The following ANO10 variants were observed in gnomAD, a reference collection of about 807,000 sequenced individuals.
The protein encoded by ANO10 is anoctamin 10, also known as anoctamin-10.
In ANO10, 77 loss-of-function variants were observed where a neutral mutation model predicts 74.7. The observed-to-expected ratio is 1.03, with a 90% CI of 0.86 to 1.25. ANO10 has a LOEUF of 1.25. Ranked by LOEUF, ANO10 falls within the 50% of genes most tolerant of loss-of-function variation. The probability of loss-of-function intolerance (pLI) is 0.00; values close to 1 mark genes in which losing one functional copy is unlikely to be tolerated. For missense variants in ANO10, 721 were observed against 778.1 expected (o/e 0.93, Z 0.87); for synonymous variants, 279 against 284.9 (o/e 0.98, Z 0.21).
chr3:43,538,453 A>G (rs955856756), intron 11 of ANO10, among the ~76,000 whole-genome samples: 4 of 152,240 alleles, frequency 2.6e-5, no homozygotes, highest in African/African-American at 4.8e-5. Context: ...AAAAATTTTT[A>G]AAACGGAAAT....
chr3:43,593,502 A>C (rs1301108114), intron 4 of ANO10, among the ~76,000 whole-genome samples: 7 of 152,166 alleles, frequency 4.6e-5, no homozygotes, highest in Non-Finnish European at 5.9e-5. Flanking sequence ...TCATATCCAG[A>C]CAAACTAAGC....
At chr3:43,629,637 T>C (rs1334814835) in intron 1 of ANO10, among the ~76,000 whole-genome samples, 1 of 152,054 alleles carries the variant, frequency 6.6e-6, no homozygotes. Flanking sequence ...TGATGAGAAG[T>C]AGTTGGATTT....
intron 1 of ANO10, among the ~76,000 whole-genome samples, chr3:43,668,350 T>G (rs907827309): frequency 9.9e-5 from 15 of 152,184 alleles, no homozygotes; most frequent in Non-Finnish European, 5.9e-5. Flanking sequence ...GATGCAAATT[T>G]TGTGAATGTT....
chr3:43,375,612 C>T (rs1228478216), intron 12 of ANO10, among the ~76,000 whole-genome samples: 1 of 152,064 alleles, frequency 6.6e-6, no homozygotes, highest in African/African-American at 2.4e-5. Context: ...GATGCGGAGA[C>T]ACTTCCTTTA....
chr3:43,366,935 T>C lies in ANO10; in HGVS notation c.1954A>G (p.Met652Val), dbSNP rs147989825. ...LVTENLKEEPMESGKEKAT is the reference protein window; with the variant it reads ...LVTENLKEEPVESGKEKAT The stretch of plus-strand genomic sequence containing the variant: ...GTTGCCTTCTCCTTCCCGCTTTCCA[T>C]TGGTTCCTCCTTCAGGTTCTCGGTC... The change falls in exon 13 of 13, where the codon ATG becomes GTG. Residue 652 changes from methionine to valine, a missense_variant. Transcript: ENST00000292246. 3.3e-4 allele frequency: 528 copies of C among 1,600,592 alleles called. No homozygotes were observed. The African/African-American group carries it at 6.2e-3, about 19-fold the overall frequency.
At position 43,432,707 on chromosome 3, in the gene ANO10, C is replaced by T. The variant is rs753630450; in HGVS notation, c.1818G>A (p.Lys606=). ...CAGGTATGGCAAATGCAAGTATAAA[C>T]TTTAAAGCCAGGAGTGCGTGCTGAA... The part of the protein sequence containing the change: ...VAVEHALLAL[K]FILAFAIPDK... Residue 606 remains lysine (K), a synonymous_variant, in exon 12 of 13, where the codon AAG becomes AAA. Coordinates refer to ENST00000292246, the MANE Select transcript of ANO10 (RefSeq NM_018075.5). 3 of 1,613,482 alleles carry T rather than the reference C, an allele frequency of 1.9e-6. No individual in the cohort carries two copies. In the South Asian group the frequency reaches 3.3e-5, roughly 18 times the overall value.
chr3:43,652,450 T>TC (rs1174677442), intron 1 of ANO10, among the ~76,000 whole-genome samples: 1 of 152,140 alleles, frequency 6.6e-6, no homozygotes, highest in Non-Finnish European at 1.5e-5. Context: ...AACTGAATGT[T>TC]CACAAGCAAA....
intron 1 of ANO10, 98 bp from the exon 2 acceptor site, chr3:43,605,961 G>C: frequency 2.8e-6 from 4 of 1,409,954 alleles, no homozygotes; most frequent in Non-Finnish European, 3.9e-6. Context: ...CCTAATTCTG[G>C]CTTCCAAGAT....
At position 43,605,847 on chromosome 3, in the gene ANO10, T is replaced by C; in HGVS notation, c.6A>G (p.Lys2=). The C allele has an allele frequency of 6.2e-7, 1 of 1,613,612 alleles. No homozygotes were observed. Among genetic ancestry groups the C allele is most frequent in the Non-Finnish European group, 8.5e-7 (1 of 1,179,688 alleles). The change falls in exon 2 of 13, where the codon AAA becomes AAG. Residue 2 remains lysine, a synonymous_variant. Coordinates refer to ENST00000292246, the MANE Select transcript of ANO10 (RefSeq NM_018075.5). ...AAGTATCCAAAGCTGATAAGGTCAC[T>C]TTCATCTTTGACAAATCTGCGGAAA... M[K]VTLSALDTSE... is the part of the protein sequence containing the mutation.
At chr3:43,622,369 C>T (rs1026396831), upstream of ANO10, among the ~76,000 whole-genome samples, 1 of 152,186 alleles carries the variant, frequency 6.6e-6, no homozygotes, top group Non-Finnish European at 1.5e-5. Flanking sequence ...GCTGTCACTC[C>T]GAGCCGGGGC....
At chr3:43,655,645 C>A (rs1272755152) in intron 1 of ANO10, among the ~76,000 whole-genome samples, 1 of 151,980 alleles carries the variant, frequency 6.6e-6, no homozygotes, top group Admixed American at 6.6e-5. Context: ...AGGTTCTCCA[C>A]CTCCCCATCA....
At chr3:43,691,063 T>A in intron 1 of ANO10, 5 of 1,531,234 alleles carry the variant, frequency 3.3e-6, no homozygotes, top group Non-Finnish European at 4.4e-6. Flanking sequence ...GCAGGGGGCT[T>A]CGTGTGTCTC....
intron 1 of ANO10, among the ~76,000 whole-genome samples, chr3:43,659,947 C>A (rs1321330173): frequency 6.6e-6 from 1 of 152,176 alleles, no homozygotes; most frequent in Non-Finnish European, 1.5e-5. Flanking sequence ...CAAACAGGGT[C>A]TGGAGTGGAC....
chr3:43,527,174 A>G (rs80002415), intron 11 of ANO10, among the ~76,000 whole-genome samples: 1,676 of 152,164 alleles, frequency 0.011, 29 homozygotes, highest in African/African-American at 0.038. Context: ...ATTGTGTCCA[A>G]TGGCTGTTTG....
In ANO10 at chr3:43,561,125, C is replaced by T. The variant is rs1279660630; in HGVS notation, c.1476+95G>A. On this transcript the variant is annotated intron_variant, in intron 9 of 12. Coordinates refer to ENST00000292246, the MANE Select transcript of ANO10 (RefSeq NM_018075.5). ...CTGGAAAGCACTTCTAGAATAGTCA[C>T]ATCTGAGATCATGAATGTATAACAT... The T allele has an allele frequency of 2.9e-6, 4 of 1,392,916 alleles. No individual in the cohort carries two copies. In the African/African-American group the frequency reaches 5.7e-5, roughly 20 times the overall value. The allele number at this position is 1,392,916 out of a possible 1,614,324, so 86.3% of individuals were successfully genotyped here.
chr3:43,646,818 C>T (rs1559383418), intron 1 of ANO10, among the ~76,000 whole-genome samples: 1 of 152,140 alleles, frequency 6.6e-6, no homozygotes, highest in Non-Finnish European at 1.5e-5. Context: ...CCTCTTCTTT[C>T]TTTACATAGA....
intron 11 of ANO10, among the ~76,000 whole-genome samples, chr3:43,440,053 A>G (rs2093136581): frequency 6.6e-6 from 1 of 152,226 alleles, no homozygotes. Context: ...CACAAAAAAG[A>G]AAATGAGAAA....
At chr3:43,638,278 C>T (rs2083634091) in intron 1 of ANO10, among the ~76,000 whole-genome samples, 1 of 151,998 alleles carries the variant, frequency 6.6e-6, no homozygotes, top group African/African-American at 2.4e-5. Context: ...TGAAATTATG[C>T]AATTTATATT....
At chr3:43,631,812 G>A (rs983780127) in intron 1 of ANO10, among the ~76,000 whole-genome samples, 1 of 151,830 alleles carries the variant, frequency 6.6e-6, no homozygotes, top group African/African-American at 2.4e-5. Flanking sequence ...GCTGGGTACA[G>A]TGGCTCACAC....
Sources: allele counts gnomAD v4.1 joint callset (sites outside exome capture counted in the v4.1 genomes callset), GRCh38; gene constraint gnomAD v4.1.1; transcripts MANE v1.5; gene names NCBI Gene and HGNC (gene_info 2026-07-23, HGNC 2026-07-21).